AGBL1: variants seen among roughly 807,000 people sequenced by gnomAD.
The protein encoded by AGBL1 is cytosolic carboxypeptidase 4.
A neutral mutation model predicts 118.9 loss-of-function variants in AGBL1; 130 were observed. The observed-to-expected ratio is 1.09, with a 90% confidence interval of 0.95 to 1.26. The LOEUF (loss-of-function observed/expected upper bound fraction) is 1.26, where lower values mean the gene tolerates loss of function less well. AGBL1 is among the 50% of genes most tolerant of loss of function. The pLI, the probability that AGBL1 is intolerant of heterozygous loss-of-function variation, is 0.00. For synonymous variants in AGBL1, 555 were observed against 478.9 expected (o/e 1.16, Z -2.08); for missense variants, 1,584 against 1,298.1 (o/e 1.22, Z -3.38).
chr15:86,745,825 A>G (rs1310101968), intron 22 of AGBL1, among the ~76,000 whole-genome samples: 1 of 152,050 alleles, frequency 6.6e-6, no homozygotes, highest in Non-Finnish European at 1.5e-5. Flanking sequence ...CATCTTTCCC[A>G]TGACACCTGG....
intron 1 of AGBL1, among the ~76,000 whole-genome samples, chr15:86,112,993 T>C (rs1207358090): frequency 6.6e-6 from 1 of 152,174 alleles, no homozygotes; most frequent in African/African-American, 2.4e-5. Flanking sequence ...GCATTGTCTT[T>C]TGTTCTCACT....
intron 6 of AGBL1, among the ~76,000 whole-genome samples, chr15:86,236,942 C>CGGGGGGGG (rs1261702473): frequency 1.9e-4 from 8 of 43,014 alleles, no homozygotes; most frequent in Admixed American, 4.1e-4. Flanking sequence ...CGGGGGGGGG[C>CGGGGGGGG]GGGGGGGGGC....
Position 86,667,772 on chromosome 15 carries a change from C to T in AGBL1, c.2995-6501C>T, listed in dbSNP as rs114370881. Among the ~76,000 whole-genome samples, 1,014 of 152,288 alleles carry T rather than the reference C, an allele frequency of 6.7e-3. 8 individuals are homozygous for T. Among genetic ancestry groups the T allele is most frequent in the East Asian group, 0.021 (107 of 5,170 alleles). On this transcript the variant is annotated intron_variant, in intron 21 of 22. Coordinates refer to ENST00000614907, the MANE Select transcript of AGBL1 (RefSeq NM_001386094.1). ...TGAAATTCCAAATGGAAGCATATCA[C>T]TTTTCCCTAATCTCTTCTAAAATTC... is the stretch of plus-strand genomic sequence containing the variant.
chr15:86,313,948 G>T lies in AGBL1; in HGVS notation c.2374+18540G>T, dbSNP rs149592393. On this transcript the variant is annotated intron_variant, in intron 17 of 22. Coordinates refer to ENST00000614907, the MANE Select transcript of AGBL1 (RefSeq NM_001386094.1). ...TGAGGCTCAAATAATTAGAGACAGG[G>T]TTGGAAGGCACCCACACACAAGTTA... 3.9e-3 allele frequency among the ~76,000 whole-genome samples: 590 copies of T among 152,276 alleles called. 4 individuals are homozygous for T. The highest frequency in any genetic ancestry group is 0.014 in the African/African-American group (576 of 41,554).
intron 2 of AGBL1, among the ~76,000 whole-genome samples, chr15:86,142,350 T>C (rs1234827545): frequency 6.6e-6 from 1 of 152,204 alleles, no homozygotes; most frequent in Non-Finnish European, 1.5e-5. Flanking sequence ...CTCGCTTCCA[T>C]TGTGACCTAT....
At chr15:86,526,544 GTATATATATATATATA>G (rs1555422465) in intron 19 of AGBL1, among the ~76,000 whole-genome samples, 2 of 119,452 alleles carry the variant, frequency 1.7e-5, no homozygotes, top group South Asian at 2.9e-4. Context: ...TTGTGTCTGT[GTATATATATATATATA>G]TATATATATA....
chr15:86,721,252 A>T (rs928716646), intron 22 of AGBL1, among the ~76,000 whole-genome samples: 1 of 152,234 alleles, frequency 6.6e-6, no homozygotes, highest in Non-Finnish European at 1.5e-5. Context: ...AATCCTCAAT[A>T]AAATACTGGC....
intron 5 of AGBL1, among the ~76,000 whole-genome samples, chr15:86,204,615 A>G (rs2077961371): frequency 6.6e-6 from 1 of 150,888 alleles, no homozygotes. Flanking sequence ...TTTGAGACGG[A>G]GTCTCACTCT....
At chr15:86,999,912 T>C (rs997282557) in intron 24 of AGBL1, among the ~76,000 whole-genome samples, 2 of 117,538 alleles carry the variant, frequency 1.7e-5, no homozygotes, top group African/African-American at 6.2e-5. Context: ...TTTTAATGAT[T>C]GCCATTCTAA....
intron 18 of AGBL1, among the ~76,000 whole-genome samples, chr15:86,477,761 C>A (rs2082583328): frequency 6.6e-6 from 1 of 152,148 alleles, no homozygotes; most frequent in African/African-American, 2.4e-5. Context: ...AGACCAAAGC[C>A]TGGCAGAGAC....
At chr15:86,801,640 C>T (rs1171478415) in intron 22 of AGBL1, among the ~76,000 whole-genome samples, 1 of 152,100 alleles carries the variant, frequency 6.6e-6, no homozygotes, top group Non-Finnish European at 1.5e-5. Flanking sequence ...CTATCTAGAT[C>T]TGTTTAACCT....
In AGBL1 at chr15:86,143,697, A is replaced by G; in HGVS notation, c.116-2A>G. ...CTCATCTTTCCTCCGGTTTCCCCTC[A>G]GGCACAGACCGGAGAATTCACTACA... On this transcript the variant is annotated splice_acceptor_variant, in intron 2 of 22. Transcript: ENST00000614907. LOFTEE classifies it high-confidence loss of function. The G allele has an allele frequency of 6.2e-7, 1 of 1,613,198 alleles. No individual in the cohort carries two copies. The highest frequency in any genetic ancestry group is 2.2e-5 in the East Asian group (1 of 44,830).
At chr15:86,986,506 A>G (rs1051198432) in intron 23 of AGBL1, among the ~76,000 whole-genome samples, 2 of 151,748 alleles carry the variant, frequency 1.3e-5, no homozygotes, top group African/African-American at 2.4e-5. Flanking sequence ...TATAATATAC[A>G]TCTTATAATC....
At chr15:86,721,088 C>A (rs1026587437) in intron 22 of AGBL1, among the ~76,000 whole-genome samples, 1 of 152,142 alleles carries the variant, frequency 6.6e-6, no homozygotes, top group South Asian at 2.1e-4. Context: ...GAGCTGGTAC[C>A]ATTCCTTCTG....
At chr15:86,925,156 G>A (rs2080521103) in intron 23 of AGBL1, among the ~76,000 whole-genome samples, 1 of 22,926 alleles carries the variant, frequency 4.4e-5, no homozygotes, top group Non-Finnish European at 1.4e-4. Flanking sequence ...GGAGGAGGAG[G>A]AGGAGGAGGA....
chr15:86,656,990 C>T (rs1019203212), intron 21 of AGBL1, among the ~76,000 whole-genome samples: 1 of 152,178 alleles, frequency 6.6e-6, no homozygotes, highest in African/African-American at 2.4e-5. Flanking sequence ...ACCTGCTCCC[C>T]AGCCCTCCAT....
rs58789929 is a variant in AGBL1 at position 86,613,141 on chromosome 15, G to T, written c.2994+58604G>T. On this transcript the variant is annotated intron_variant, in intron 21 of 22. Coordinates refer to ENST00000614907, the MANE Select transcript of AGBL1 (RefSeq NM_001386094.1). This position sits in a 1 kb window ranked among gnomAD's most constrained non-coding sequence, Gnocchi z 4.2. ...GTGTTACAGGCCATGGTTCTTAACC[G>T]TGGCAAAATAAATCTCTAAATTGAT... is the stretch of plus-strand genomic sequence containing the variant. Among the ~76,000 whole-genome samples, 4,188 of 152,266 alleles carry T rather than the reference G, an allele frequency of 0.028. 105 individuals carry two copies. The highest frequency in any genetic ancestry group is 0.13 in the East Asian group (692 of 5,184).
intron 1 of AGBL1, among the ~76,000 whole-genome samples, chr15:86,128,003 C>G (rs1285166496): frequency 6.6e-6 from 1 of 152,074 alleles, no homozygotes; most frequent in Non-Finnish European, 1.5e-5. Flanking sequence ...TTGGGCCATT[C>G]ATATGTTTTT....
rs1475289693 is a variant in AGBL1 at position 86,533,754 on chromosome 15, C to T, written c.2685+10815C>T. ...TAGACTGGATTAAGAAAATGTGGCA[C>T]ATATACACCATGGAATACTAGGCAG... On this transcript the variant is annotated intron_variant, in intron 19 of 22. Transcript: ENST00000614907. 7.9e-4 allele frequency among the ~76,000 whole-genome samples: 91 copies of T among 115,082 alleles called. 1 individual carries two copies. The highest frequency in any genetic ancestry group is 4.3e-3 in the African/African-American group (89 of 20,584). The allele number at this position is 115,082 out of a possible 152,430, so 75.5% of individuals were successfully genotyped here.
Sources: gnomAD v4.1 joint callset for allele counts (sites outside exome capture counted in the v4.1 genomes callset) on GRCh38, gnomAD v4.1.1 for gene constraint, Gnocchi (gnomAD v3.1) non-coding constraint, MANE v1.5 for transcripts, NCBI Gene and HGNC (gene_info 2026-07-23, HGNC 2026-07-21) for gene names.